Variants in OXCT1 observed in about 807,000 individuals in gnomAD.
OXCT1 encodes the protein succinyl-CoA:3-ketoacid coenzyme A transferase 1, mitochondrial.
A neutral mutation model predicts 69.6 loss-of-function variants in OXCT1; 27 were observed. That is an observed-to-expected ratio of 0.39 (90% CI 0.29 to 0.54). OXCT1 has a LOEUF of 0.54. Among genes scored for constraint, OXCT1 ranks in the 20% least tolerant of loss-of-function variants. The pLI is 0.72. For synonymous variants in OXCT1, 202 were observed against 217.8 expected (o/e 0.93, Z 0.64); for missense variants, 437 against 650.2 (o/e 0.67, Z 3.57).
chr5:41,785,359 T>C (rs1284910712), intron 13 of OXCT1, among the ~76,000 whole-genome samples: 1 of 152,200 alleles, frequency 6.6e-6, no homozygotes, highest in Non-Finnish European at 1.5e-5. Flanking sequence ...ATTAGAACCA[T>C]AGTTGGAAAA....
intron 7 of OXCT1, among the ~76,000 whole-genome samples, chr5:41,818,627 T>G (rs1189320677): frequency 6.6e-6 from 1 of 152,178 alleles, no homozygotes; most frequent in Non-Finnish European, 1.5e-5. Context: ...GGCAATTACC[T>G]TTTCTCGCTT....
chr5:41,794,142 G>C, intron 12 of OXCT1, 64 bp from the exon 13 acceptor site: 1 of 1,206,292 alleles, frequency 8.3e-7, no homozygotes, highest in South Asian at 1.2e-5. Flanking sequence ...GCTTGAACTT[G>C]CCAGCAATTA....
chr5:41,775,047 T>C (rs909951990), intron 13 of OXCT1, among the ~76,000 whole-genome samples: 2 of 152,088 alleles, frequency 1.3e-5, no homozygotes, highest in Non-Finnish European at 2.9e-5. Flanking sequence ...TCCAGAAGAA[T>C]TGCAAAATAC....
At chr5:41,774,274 A>T (rs1745018157) in intron 13 of OXCT1, among the ~76,000 whole-genome samples, 1 of 152,206 alleles carries the variant, frequency 6.6e-6, no homozygotes, top group Non-Finnish European at 1.5e-5. Flanking sequence ...TTTATTATTT[A>T]AAACTGCATG....
In OXCT1 at chr5:41,870,368, G is replaced by GT; in HGVS notation, c.-11dup. 1 of 1,610,948 alleles carries GT rather than the reference G, an allele frequency of 6.2e-7. No individual in the cohort carries two copies. Among genetic ancestry groups the GT allele is most frequent in the African/African-American group, 1.3e-5 (1 of 75,018 alleles). ...GTTTGAGAGCCGCCATCTTCGGGCGGTGAGGCAGGAGGAGGCTGCGGGTTG... is the reference window on the plus strand; with the variant it reads ...GTTTGAGAGCCGCCATCTTCGGGCGGTTGAGGCAGGAGGAGGCTGCGGGTTG... On this transcript the variant is annotated 5_prime_UTR_variant, in exon 1 of 17. Transcript: ENST00000196371. This position sits in a 1 kb window ranked among gnomAD's most constrained non-coding sequence, Gnocchi z 4.2.
chr5:41,807,449 A>T lies in OXCT1; in HGVS notation c.733-11T>A, dbSNP rs758987635. On this transcript the variant is annotated splice_polypyrimidine_tract_variant and intron_variant, in intron 7 of 16. Transcript: ENST00000196371. ...CACAATTTCTTCAACCTAGACAAAG[A>T]GAAATTTCTTTCAAAGTTAGTGAAA... 1 of 1,502,042 alleles carries T rather than the reference A, an allele frequency of 6.7e-7. No individual in the cohort carries two copies. The highest frequency in any genetic ancestry group is 1.1e-5 in the South Asian group (1 of 88,778). 93.0% of individuals were successfully genotyped at this position (1,502,042 alleles called of 1,614,324 possible).
chr5:41,834,518 G>A (rs144753508), intron 7 of OXCT1, among the ~76,000 whole-genome samples: 2,234 of 148,964 alleles, frequency 0.015, 30 homozygotes, highest in Non-Finnish European at 0.025. Context: ...AACAGAACAG[G>A]AGTAGCTATA....
chr5:41,850,081 G>A lies in OXCT1; in HGVS notation c.513C>T (p.Pro171=). The A allele has an allele frequency of 1.2e-6, 2 of 1,613,914 alleles. No homozygotes were observed. The highest frequency in any genetic ancestry group is 1.7e-6 in the Non-Finnish European group (2 of 1,179,896). The change falls in exon 5 of 17, where the codon CCC becomes CCT. Residue 171 remains proline, a synonymous_variant. Coordinates refer to ENST00000196371, the MANE Select transcript of OXCT1 (RefSeq NM_000436.4). ...CACTGCCATCTTTGTTGTATTTGAT[G>A]GGCGATCCTCCTTCTTGTACCAGGG... ...YGTLVQEGGS[P]IKYNKDGSVA... is the part of the protein sequence containing the mutation.
chr5:41,753,292 GACAC>G (rs70988867), intron 14 of OXCT1, among the ~76,000 whole-genome samples: 2,046 of 133,394 alleles, frequency 0.015, 98 homozygotes, highest in Admixed American at 0.09. Context: ...CACACACATA[GACAC>G]ACACACACAC....
At chr5:41,813,095 A>G (rs1747065814) in intron 7 of OXCT1, among the ~76,000 whole-genome samples, 1 of 152,106 alleles carries the variant, frequency 6.6e-6, no homozygotes, top group Admixed American at 6.6e-5. Flanking sequence ...AGGCTAGAAC[A>G]TAAGTGGGCC....
intron 10 of OXCT1, among the ~76,000 whole-genome samples, chr5:41,801,972 C>T (rs1162193981): frequency 6.6e-6 from 1 of 151,666 alleles, no homozygotes; most frequent in Admixed American, 6.6e-5. Context: ...TAGAGAGGGA[C>T]CAAAAATTTA....
chr5:41,731,954 T>C (rs1742655471), intron 16 of OXCT1, among the ~76,000 whole-genome samples, 184 bp from the exon 17 acceptor site: 1 of 152,158 alleles, frequency 6.6e-6, no homozygotes, highest in African/African-American at 2.4e-5. Context: ...ACATTTTGGG[T>C]ATTTTGTAGT....
chr5:41,821,905 T>C (rs556740696), intron 7 of OXCT1, among the ~76,000 whole-genome samples: 1 of 152,298 alleles, frequency 6.6e-6, no homozygotes, highest in South Asian at 2.1e-4. Flanking sequence ...CCCTGTACAG[T>C]GTCTTCCACA....
chr5:41,790,508 C>T (rs138772796), intron 13 of OXCT1, among the ~76,000 whole-genome samples: 21 of 152,250 alleles, frequency 1.4e-4, no homozygotes, highest in East Asian at 1.2e-3. Context: ...AGCTATTAAA[C>T]GGTAAGACAA....
In OXCT1 at chr5:41,857,406, T is replaced by A. The variant is rs116421854; in HGVS notation, c.279-3852A>T. 2.9e-3 allele frequency among the ~76,000 whole-genome samples: 442 copies of A among 152,244 alleles called. 2 individuals carry two copies. The highest frequency in any genetic ancestry group is 0.01 in the African/African-American group (424 of 41,540). On this transcript the variant is annotated intron_variant, in intron 3 of 16. Transcript: ENST00000196371. ...TCTCCTTTTGGCTCACTTCTCTTCC[T>A]CTCCTGGCCTCACCATCCCTCCAAC...
At chr5:41,749,862 CT>C in intron 14 of OXCT1, among the ~76,000 whole-genome samples, 1 of 152,214 alleles carries the variant, frequency 6.6e-6, no homozygotes, top group Middle Eastern at 3.4e-3. Context: ...AGAAATTTGA[CT>C]TCTCAAGCCT....
At chr5:41,772,505 T>C (rs917568108) in intron 13 of OXCT1, among the ~76,000 whole-genome samples, 6 of 152,110 alleles carry the variant, frequency 3.9e-5, no homozygotes, top group African/African-American at 1.4e-4. Flanking sequence ...TTAAGAGCAA[T>C]TGCAAAAGAT....
At chr5:41,741,640 A>C (rs1257892143) in intron 15 of OXCT1, among the ~76,000 whole-genome samples, 1 of 152,180 alleles carries the variant, frequency 6.6e-6, no homozygotes, top group East Asian at 1.9e-4. Flanking sequence ...CCAGCTGATT[A>C]ATATTTTTCC....
intron 5 of OXCT1, among the ~76,000 whole-genome samples, chr5:41,845,254 C>T (rs1255856541): frequency 1.3e-5 from 2 of 152,150 alleles, no homozygotes; most frequent in Non-Finnish European, 2.9e-5. Context: ...CCACTTGCCT[C>T]GTTCTCCTAC....
Sources: gnomAD v4.1 joint callset for allele counts (sites outside exome capture counted in the v4.1 genomes callset) on GRCh38, gnomAD v4.1.1 for gene constraint, Gnocchi (gnomAD v3.1) non-coding constraint, MANE v1.5 for transcripts, NCBI Gene and HGNC (gene_info 2026-07-23, HGNC 2026-07-21) for gene names.